The following ONECUT2 variants were observed in gnomAD, a reference collection of about 807,000 sequenced individuals.
The protein encoded by ONECUT2 is one cut domain family member 2.
ONECUT2 carries 10 observed loss-of-function variants against 27.9 expected under a neutral mutation model. The ratio of observed to expected loss-of-function variants is 0.36; its 90% CI spans 0.22 to 0.61. ONECUT2 has a LOEUF of 0.61. Among genes scored for constraint, ONECUT2 ranks in the 20% least tolerant of loss-of-function variants. The pLI is 0.73. For synonymous variants in ONECUT2, 334 were observed against 315.1 expected (o/e 1.06, Z -0.64); for missense variants, 686 against 721.0 (o/e 0.95, Z 0.56).
At chr18:57,463,596 A>G (rs1173503666) in intron 1 of ONECUT2, among the ~76,000 whole-genome samples, 1 of 152,150 alleles carries the variant, frequency 6.6e-6, no homozygotes, top group Non-Finnish European at 1.5e-5. Flanking sequence ...ACTCTTCACA[A>G]TATTGAGTTT....
In ONECUT2 at chr18:57,481,055, A is replaced by G. The variant is rs1209426168; in HGVS notation, c.*4332A>G. ...AAAACAATTTACTTTATTCCTTTAC[A>G]CAAATAGGCTTGCATTGTTTTTGTT... is the stretch of plus-strand genomic sequence containing the variant. On this transcript the variant is annotated 3_prime_UTR_variant, in exon 2 of 2. Coordinates refer to ENST00000491143, the MANE Select transcript of ONECUT2 (RefSeq NM_004852.3). The G allele has an allele frequency of 6.6e-6, 1 of 152,208 alleles. No individual in the cohort carries two copies. The highest frequency in any genetic ancestry group is 2.4e-5 in the African/African-American group (1 of 41,454). 9.4% of individuals were successfully genotyped at this position (152,208 alleles called of 1,614,324 possible).
rs1292358375 is a variant in ONECUT2, at chr18:57,482,659, C to T, written c.*5936C>T. ...GTGCCTAAGGTTTATACAGTCTGTC[C>T]GCTTGGATGTATACAAATTTAGATA... On this transcript the variant is annotated 3_prime_UTR_variant, in exon 2 of 2. Transcript: ENST00000491143. The T allele has an allele frequency of 1.3e-5, 2 of 152,132 alleles. No individual in the cohort carries two copies. Among genetic ancestry groups the T allele is most frequent in the Non-Finnish European group, 2.9e-5 (2 of 68,040 alleles). 9.4% of individuals were successfully genotyped at this position (152,132 alleles called of 1,614,324 possible). A position where few individuals can be genotyped will look rare whatever the true frequency, so the allele number is the denominator to read the frequency against.
rs774639237 is a variant in ONECUT2, at chr18:57,436,564, C to A, written c.848C>A (p.Thr283Asn). Reference sequence around the variant, plus strand: ...CAACACCTGTCCCGCGGCCTGGGCACCCCACCTGCGGCCATGATGTCGCAC... The same window carrying A: ...CAACACCTGTCCCGCGGCCTGGGCAACCCACCTGCGGCCATGATGTCGCAC... Reference protein sequence around the residue: ...GEQHLSRGLGTPPAAMMSHLN... With the variant: ...GEQHLSRGLGNPPAAMMSHLN... The change falls in exon 1 of 2, where the codon ACC (threonine) becomes AAC (asparagine). Residue 283 changes from threonine (T) to asparagine (N), a missense_variant. By Grantham distance (65) the Thr-to-Asn change is moderately conservative. This residue lies in a region of ONECUT2 where 511 missense variants were observed against 488.1 expected (regional missense o/e 1.05). Coordinates refer to ENST00000491143, the MANE Select transcript of ONECUT2 (RefSeq NM_004852.3). This position sits in a 1 kb window ranked among gnomAD's most constrained non-coding sequence, Gnocchi z 5.9. The A allele has an allele frequency of 5.0e-6, 8 of 1,611,352 alleles. No homozygotes were observed. In the South Asian group the frequency reaches 8.8e-5, roughly 18 times the overall value.
At position 57,481,807 on chromosome 18, in the gene ONECUT2, A is replaced by T. The variant is rs1382801593; in HGVS notation, c.*5084A>T. ...CTATTAAAAAGTGGAGAAAAAGATA[A>T]TACATGTGGTCAAGGTTGACCACAA... On this transcript the variant is annotated 3_prime_UTR_variant, in exon 2 of 2. Coordinates refer to ENST00000491143, the MANE Select transcript of ONECUT2 (RefSeq NM_004852.3). 1 of 152,186 alleles carries T rather than the reference A, an allele frequency of 6.6e-6. No homozygotes were observed. The highest frequency in any genetic ancestry group is 1.9e-4 in the East Asian group (1 of 5,196). 9.4% of individuals were successfully genotyped at this position (152,186 alleles called of 1,614,324 possible).
rs1243486668 is a variant in ONECUT2, at chr18:57,484,474, T to G, written c.*7751T>G. 4.6e-5 allele frequency: 7 copies of G among 152,664 alleles called. No homozygotes were observed. The highest frequency in any genetic ancestry group is 1.7e-4 in the African/African-American group (7 of 41,458). 9.5% of individuals were successfully genotyped at this position (152,664 alleles called of 1,614,324 possible). A position where few individuals can be genotyped will look rare whatever the true frequency, so the allele number is the denominator to read the frequency against. On this transcript the variant is annotated 3_prime_UTR_variant, in exon 2 of 2. Transcript: ENST00000491143. ...CTAATTTGGAAAGGGATATTTTCTG[T>G]GTTTCTCTTATATGTTTGCTGTCTG...
At chr18:57,441,290 T>C (rs1393661084) in intron 1 of ONECUT2, among the ~76,000 whole-genome samples, 1 of 152,272 alleles carries the variant, frequency 6.6e-6, no homozygotes, top group Non-Finnish European at 1.5e-5. Context: ...TTCATTGATC[T>C]GGAACTTGAT....
chr18:57,484,714 T>C lies in ONECUT2; in HGVS notation c.*7991T>C, dbSNP rs968162133. The C allele has an allele frequency of 1.3e-4, 20 of 152,216 alleles. No individual in the cohort carries two copies. The highest frequency in any genetic ancestry group is 4.6e-4 in the African/African-American group (19 of 41,444). The allele number at this position is 152,216 out of a possible 1,614,324, so 9.4% of individuals were successfully genotyped here. A position where few individuals can be genotyped will look rare whatever the true frequency, so the allele number is the denominator to read the frequency against. ...GAGCTGGAAGAGACCTTAGGAATCA[T>C]TTAGTCCAAGCCCCGGTGGCCCAGA... On this transcript the variant is annotated 3_prime_UTR_variant, in exon 2 of 2. Transcript: ENST00000491143.
At chr18:57,444,539 A>G (rs964066409) in intron 1 of ONECUT2, 1 of 427,994 alleles carries the variant, frequency 2.3e-6, no homozygotes, top group Admixed American at 2.6e-5. Flanking sequence ...GTCCTCCTGG[A>G]GCAAGCTTGG....
chr18:57,442,955 C>T (rs1339635047), intron 1 of ONECUT2, among the ~76,000 whole-genome samples: 1 of 152,120 alleles, frequency 6.6e-6, no homozygotes, highest in Non-Finnish European at 1.5e-5. Flanking sequence ...GTCTTCAAAC[C>T]AAGGCTTCAT....
rs2050391487 is a variant in ONECUT2 at position 57,477,672 on chromosome 18, G to C, written c.*949G>C. 1 of 152,640 alleles carries C rather than the reference G, an allele frequency of 6.6e-6. No individual in the cohort carries two copies. The highest frequency in any genetic ancestry group is 2.1e-4 in the South Asian group (1 of 4,822). The allele number at this position is 152,640 out of a possible 1,614,324, so 9.5% of individuals were successfully genotyped here. ...GCACACTCAGGAGGCCAATTTAACT[G>C]TTAACAGTGCATGGAGCGAATGCAG... On this transcript the variant is annotated 3_prime_UTR_variant, in exon 2 of 2. Coordinates refer to ENST00000491143, the MANE Select transcript of ONECUT2 (RefSeq NM_004852.3).
rs990628904 is a variant in ONECUT2, at chr18:57,486,226, G to A, written c.*9503G>A. On this transcript the variant is annotated 3_prime_UTR_variant, in exon 2 of 2. Coordinates refer to ENST00000491143, the MANE Select transcript of ONECUT2 (RefSeq NM_004852.3). The stretch of plus-strand genomic sequence containing the variant: ...AGTGCCTTGCTTGAACCAAAGCAAC[G>A]ATTTAGCCAGTCTGGACCTCTCTGT... 2 of 152,562 alleles carry A rather than the reference G, an allele frequency of 1.3e-5. No homozygotes were observed. The highest frequency in any genetic ancestry group is 4.8e-5 in the African/African-American group (2 of 41,424). The allele number at this position is 152,562 out of a possible 1,614,324, so 9.5% of individuals were successfully genotyped here.
In ONECUT2 at chr18:57,486,811, TGAAAA is replaced by T. The variant is rs1164818463; in HGVS notation, c.*10092_*10096del. On this transcript the variant is annotated 3_prime_UTR_variant, in exon 2 of 2. Coordinates refer to ENST00000491143, the MANE Select transcript of ONECUT2 (RefSeq NM_004852.3). ...AACAATCTGTGTTCATTTGCTCTGT[TGAAAA>T]GAATAATTATTTTCTACATTTGTGC... 6.6e-6 allele frequency: 1 copy of T among 152,646 alleles called. No individual in the cohort carries two copies. The highest frequency in any genetic ancestry group is 2.4e-5 in the African/African-American group (1 of 41,460). 9.5% of individuals were successfully genotyped at this position (152,646 alleles called of 1,614,324 possible).
rs1356159603 is a variant in ONECUT2 at position 57,435,529 on chromosome 18, TCCGCCCCCACC to T, written c.-173_-163del. ...TCCCCTCTCCCGCACGCACGCCCCG[TCCGCCCCCACC>T]CCGCCCCCACCCCGGGCGAGCCCGC... On this transcript the variant is annotated 5_prime_UTR_variant, in exon 1 of 2. Coordinates refer to ENST00000491143, the MANE Select transcript of ONECUT2 (RefSeq NM_004852.3). Among the ~76,000 whole-genome samples the T allele has an allele frequency of 1.8e-4, 11 of 60,352 alleles. No individual in the cohort carries two copies. The highest frequency in any genetic ancestry group is 5.0e-4 in the East Asian group (1 of 2,014). The allele number at this position is 60,352 out of a possible 152,430, so 39.6% of individuals were successfully genotyped here.
chr18:57,450,132 A>G (rs1024475544), intron 1 of ONECUT2, among the ~76,000 whole-genome samples: 1 of 152,104 alleles, frequency 6.6e-6, no homozygotes, highest in East Asian at 1.9e-4. Context: ...ACTTACATCT[A>G]TCATTCTTTT....
intron 1 of ONECUT2, among the ~76,000 whole-genome samples, chr18:57,467,770 C>A (rs925363753): frequency 8.5e-5 from 13 of 152,228 alleles, no homozygotes; most frequent in African/African-American, 3.1e-4. Context: ...ACGGCTCACA[C>A]CGACATTCCA....
intron 1 of ONECUT2, among the ~76,000 whole-genome samples, chr18:57,438,062 C>T (rs1185836535): frequency 1.3e-5 from 2 of 152,252 alleles, no homozygotes; most frequent in South Asian, 2.1e-4. Flanking sequence ...CTCTATTGTT[C>T]TAGGAGCACA....
intron 1 of ONECUT2, among the ~76,000 whole-genome samples, chr18:57,455,907 G>A (rs1598936080): frequency 2.0e-5 from 3 of 152,158 alleles, no homozygotes; most frequent in Admixed American, 6.5e-5. Context: ...GAACTTGCAC[G>A]TAGAGTAAGG....
chr18:57,435,812 G>A lies in ONECUT2; in HGVS notation c.96G>A (p.Leu32=), dbSNP rs779132199. ...PELTMESLGT[L]HGPAGGGSGG... ...TGACAATGGAAAGTCTGGGCACTTT[G>A]CACGGGCCGGCCGGCGGCGGCAGTG... Residue 32 remains leucine, a synonymous_variant, in exon 1 of 2, where the codon TTG becomes TTA. Transcript: ENST00000491143. 3 of 1,148,592 alleles carry A rather than the reference G, an allele frequency of 2.6e-6. 1 individual carries two copies. The allele number at this position is 1,148,592 out of a possible 1,614,324, so 71.2% of individuals were successfully genotyped here.
At chr18:57,469,364 G>T (rs997617791) in intron 1 of ONECUT2, among the ~76,000 whole-genome samples, 1 of 152,164 alleles carries the variant, frequency 6.6e-6, no homozygotes, top group African/African-American at 2.4e-5. Context: ...CCCCACCCTT[G>T]CCCTGACAAG....
Sources: gnomAD v4.1 joint callset for allele counts (sites outside exome capture counted in the v4.1 genomes callset) on GRCh38, gnomAD v4.1.1 for gene constraint, gnomAD v4.1.1 regional missense constraint, Gnocchi (gnomAD v3.1) non-coding constraint, MANE v1.5 for transcripts, NCBI Gene and HGNC (gene_info 2026-07-23, HGNC 2026-07-21) for gene names.